Variants in ASXL3 observed in about 807,000 individuals in gnomAD.
ASXL3 encodes putative Polycomb group protein ASXL3.
ASXL3 carries 34 observed loss-of-function variants against 170.6 expected under a neutral mutation model. The ratio of observed to expected loss-of-function variants is 0.20; its 90% confidence interval spans 0.15 to 0.27. The LOEUF is 0.27. Ranked by LOEUF, ASXL3 falls within the 10% of genes least tolerant of loss-of-function variation. The probability of loss-of-function intolerance (pLI) is 1.00; values close to 1 mark genes in which losing one functional copy is unlikely to be tolerated. For synonymous variants in ASXL3, 1,002 were observed against 989.1 expected (o/e 1.01, Z -0.24); for missense variants, 2,592 against 2,695.3 (o/e 0.96, Z 0.85).
At chr18:33,733,384 T>G (rs2067485229) in intron 9 of ASXL3, among the ~76,000 whole-genome samples, 1 of 152,192 alleles carries the variant, frequency 6.6e-6, no homozygotes, top group Non-Finnish European at 1.5e-5. Context: ...TTCCTCAGTT[T>G]AAAACCTTAC....
intron 4 of ASXL3, among the ~76,000 whole-genome samples, chr18:33,655,355 A>G (rs1599452830): frequency 6.6e-6 from 1 of 152,128 alleles, no homozygotes; most frequent in East Asian, 1.9e-4. Flanking sequence ...TTCATTATAG[A>G]AGATATTGTT....
intron 2 of ASXL3, among the ~76,000 whole-genome samples, chr18:33,635,162 C>G (rs1169660061): frequency 6.6e-6 from 1 of 152,156 alleles, no homozygotes; most frequent in Non-Finnish European, 1.5e-5. Context: ...CCCTTAAAAC[C>G]TTAACCAGAA....
intron 2 of ASXL3, among the ~76,000 whole-genome samples, chr18:33,620,936 G>T (rs2065502354): frequency 6.6e-6 from 1 of 152,102 alleles, no homozygotes; most frequent in African/African-American, 2.4e-5. Flanking sequence ...TTGGTAAAAA[G>T]AAGGCCAGGA....
At chr18:33,589,220 A>G (rs1272426773) in intron 1 of ASXL3, among the ~76,000 whole-genome samples, 1 of 152,176 alleles carries the variant, frequency 6.6e-6, no homozygotes, top group African/African-American at 2.4e-5. Flanking sequence ...AAGGAATAAT[A>G]ATATCTACCG....
chr18:33,739,569 T>C lies in ASXL3; in HGVS notation c.2165T>C (p.Leu722Ser). Residue 722 changes from leucine to serine, a missense_variant, in exon 11 of 12, where the codon TTA (leucine) becomes TCA (serine). Leu to Ser is a moderately radical substitution (Grantham distance 145). Coordinates refer to ENST00000269197, the MANE Select transcript of ASXL3 (RefSeq NM_030632.3). ...LTSETSPMSD[L>S]PLTSETSSVS... ...TCAGAAACCTCACCGATGTCTGACT[T>C]ACCTTTAACATCAGAAACTTCTTCA... The C allele has an allele frequency of 6.2e-7, 1 of 1,613,998 alleles. No individual in the cohort carries two copies. Among genetic ancestry groups the C allele is most frequent in the South Asian group, 1.1e-5 (1 of 91,076 alleles).
chr18:33,623,934 G>A (rs536857217), intron 2 of ASXL3, among the ~76,000 whole-genome samples: 3 of 152,240 alleles, frequency 2.0e-5, no homozygotes, highest in Admixed American at 1.3e-4. Context: ...CATGGCAGGA[G>A]GATGGCTTGA....
chr18:33,732,932 C>T (rs149210163), intron 9 of ASXL3, among the ~76,000 whole-genome samples: 1 of 151,604 alleles, frequency 6.6e-6, no homozygotes, highest in Non-Finnish European at 1.5e-5. Flanking sequence ...TTTCAAGTTC[C>T]TTCACCAATA....
chr18:33,640,994 A>G (rs1311613657), intron 2 of ASXL3, among the ~76,000 whole-genome samples: 3 of 152,046 alleles, frequency 2.0e-5, no homozygotes, highest in African/African-American at 4.8e-5. Context: ...AGTTTAATAT[A>G]TGTATTACTG....
At chr18:33,632,677 CTT>C (rs1438484819) in intron 2 of ASXL3, among the ~76,000 whole-genome samples, 2 of 152,170 alleles carry the variant, frequency 1.3e-5, no homozygotes, top group African/African-American at 4.8e-5. Context: ...TGTTTTTTGT[CTT>C]TGCATGTATT....
intron 5 of ASXL3, among the ~76,000 whole-genome samples, chr18:33,663,432 T>G (rs1190782638): frequency 6.6e-6 from 1 of 152,202 alleles, no homozygotes; most frequent in Non-Finnish European, 1.5e-5. Flanking sequence ...TTCATCATTT[T>G]GGTTTTGTAT....
At chr18:33,612,395 G>A (rs568273559) in intron 2 of ASXL3, among the ~76,000 whole-genome samples, 1 of 152,140 alleles carries the variant, frequency 6.6e-6, no homozygotes, top group South Asian at 2.1e-4. Flanking sequence ...TTTATAAACA[G>A]TATCTATTGT....
chr18:33,732,106 C>A, intron 9 of ASXL3, 42 bp downstream of exon 9: 1 of 1,485,858 alleles, frequency 6.7e-7, no homozygotes, highest in Non-Finnish European at 9.3e-7. Context: ...TATTGGAGTA[C>A]ACATACCGTA....
Position 33,743,229 on chromosome 18 carries a change from C to G in ASXL3, c.3381C>G (p.Thr1127=), listed in dbSNP as rs771367923. 6.2e-7 allele frequency: 1 copy of G among 1,613,910 alleles called. No homozygotes were observed. Among genetic ancestry groups the G allele is most frequent in the South Asian group, 1.1e-5 (1 of 91,084 alleles). The change falls in exon 12 of 12, where the codon ACC becomes ACG. Residue 1127 remains threonine (T), a synonymous_variant. Coordinates refer to ENST00000269197, the MANE Select transcript of ASXL3 (RefSeq NM_030632.3). ...ATCTCTTCCAGACCTCTAAAGAGAC[C>G]CGGTTGCCTCCTCCGCTCAGCTCAA... ...RAHLFQTSKE[T]RLPPPLSSKE... is the part of the protein sequence containing the mutation.
intron 8 of ASXL3, among the ~76,000 whole-genome samples, chr18:33,686,546 G>T (rs1599493897): frequency 6.6e-6 from 1 of 152,176 alleles, no homozygotes; most frequent in Non-Finnish European, 1.5e-5. Flanking sequence ...TGTTTCTTGA[G>T]TAGAGCCAAA....
At chr18:33,686,418 A>C (rs558516574) in intron 8 of ASXL3, among the ~76,000 whole-genome samples, 1 of 152,234 alleles carries the variant, frequency 6.6e-6, no homozygotes, top group Non-Finnish European at 1.5e-5. Flanking sequence ...TCATAATAGA[A>C]GTATGAAGAA....
chr18:33,616,541 G>T (rs2065424828), intron 2 of ASXL3: 1 of 152,094 alleles, frequency 6.6e-6, no homozygotes, highest in South Asian at 2.1e-4. Flanking sequence ...TCACAGTAAT[G>T]CAGTAAGCAT....
At chr18:33,638,192 A>G (rs895774842) in intron 2 of ASXL3, among the ~76,000 whole-genome samples, 2 of 150,220 alleles carry the variant, frequency 1.3e-5, no homozygotes, top group Non-Finnish European at 3.0e-5. Flanking sequence ...ATGTGTATAT[A>G]TATCTTATTT....
chr18:33,688,187 C>T (rs2066628322), intron 8 of ASXL3, among the ~76,000 whole-genome samples: 1 of 152,100 alleles, frequency 6.6e-6, no homozygotes. Context: ...TTGGCCTAAA[C>T]CCAGTACGCC....
At chr18:33,590,239 G>A (rs913006271) in intron 1 of ASXL3, among the ~76,000 whole-genome samples, 2 of 150,614 alleles carry the variant, frequency 1.3e-5, no homozygotes, top group African/African-American at 2.4e-5. Context: ...CCTTAGCCAC[G>A]ACAGCCTAAA....
Sources: allele counts gnomAD v4.1 joint callset (sites outside exome capture counted in the v4.1 genomes callset), GRCh38; gene constraint gnomAD v4.1.1; transcripts MANE v1.5; gene names NCBI Gene and HGNC (gene_info 2026-07-23, HGNC 2026-07-21).